SCAPER: variants seen among roughly 807,000 people sequenced by gnomAD.
The protein encoded by SCAPER is S phase cyclin A-associated protein in the endoplasmic reticulum.
A neutral mutation model predicts 182.2 loss-of-function variants in SCAPER; 98 were observed. That is an observed-to-expected ratio of 0.54 (90% CI 0.46 to 0.64). SCAPER has a LOEUF of 0.64. Among genes scored for constraint, SCAPER ranks in the 30% least tolerant of loss-of-function variants. The pLI, the probability that SCAPER is intolerant of heterozygous loss-of-function variation, is 0.00. For missense variants in SCAPER, 1,432 were observed against 1,690.0 expected, an observed-to-expected ratio of 0.85 and a Z score of 2.68; for synonymous variants, 605 against 564.6, an observed-to-expected ratio of 1.07 and a Z score of -1.01.
At chr15:76,855,227 A>C (rs1182236544) in intron 4 of SCAPER, among the ~76,000 whole-genome samples, 1 of 152,210 alleles carries the variant, frequency 6.6e-6, no homozygotes, top group Non-Finnish European at 1.5e-5. Context: ...AGCCATATGC[A>C]GAAGACTGAA....
intron 16 of SCAPER, among the ~76,000 whole-genome samples, chr15:76,729,853 T>C (rs1259666064): frequency 6.6e-6 from 1 of 152,020 alleles, no homozygotes; most frequent in Non-Finnish European, 1.5e-5. Flanking sequence ...ACATGAAATA[T>C]TTGTCACTAA....
rs2054889860 is a variant in SCAPER at position 76,650,058 on chromosome 15, GA to G, written c.2645+15594del. Among the ~76,000 whole-genome samples, 3 of 152,100 alleles carry G rather than the reference GA, an allele frequency of 2.0e-5. No individual in the cohort carries two copies. In the South Asian group the frequency reaches 6.2e-4, roughly 32 times the overall value. ...GATAACAGTAACACAAAAGGCAGAG[GA>G]AAGGAAGATGGACGCATAAATTGTT... On this transcript the variant is annotated intron_variant, in intron 21 of 31. Transcript: ENST00000563290.
intron 26 of SCAPER, among the ~76,000 whole-genome samples, chr15:76,430,371 C>T (rs1472824213): frequency 6.6e-6 from 1 of 152,220 alleles, no homozygotes; most frequent in Non-Finnish European, 1.5e-5. Context: ...ACAGCTTGCA[C>T]CACGTGCCTG....
At chr15:76,652,560 C>CAT (rs1555519880) in intron 21 of SCAPER, among the ~76,000 whole-genome samples, 54 of 134,752 alleles carry the variant, frequency 4.0e-4, no homozygotes, top group South Asian at 2.6e-4. Context: ...CACACACACA[C>CAT]ATTAGCCGGG....
chr15:76,704,360 C>G (rs1448203398), intron 18 of SCAPER, among the ~76,000 whole-genome samples: 1 of 152,146 alleles, frequency 6.6e-6, no homozygotes, highest in African/African-American at 2.4e-5. Context: ...GCTTTTGTGG[C>G]CATTGCTTTT....
At chr15:76,890,917 C>T (rs2074127538) in intron 1 of SCAPER, among the ~76,000 whole-genome samples, 1 of 152,184 alleles carries the variant, frequency 6.6e-6, no homozygotes, top group Non-Finnish European at 1.5e-5. Flanking sequence ...CAAAAATCCT[C>T]AATAGAATAC....
At chr15:76,642,162 T>C (rs1037625526) in intron 21 of SCAPER, among the ~76,000 whole-genome samples, 1 of 152,242 alleles carries the variant, frequency 6.6e-6, no homozygotes, top group Non-Finnish European at 1.5e-5. Flanking sequence ...ATACAATCTA[T>C]ATTCAGATGT....
chr15:76,852,108 A>G (rs1431994038), intron 4 of SCAPER, among the ~76,000 whole-genome samples: 2 of 152,212 alleles, frequency 1.3e-5, no homozygotes, highest in Non-Finnish European at 2.9e-5. Context: ...GGCATTACAT[A>G]ATGATAAAAG....
chr15:76,484,612 GGA>G (rs1206836615), intron 24 of SCAPER, among the ~76,000 whole-genome samples: 5 of 151,950 alleles, frequency 3.3e-5, no homozygotes, highest in African/African-American at 1.2e-4. Flanking sequence ...AAATTGAGGA[GGA>G]GAGACTCCTC....
intron 4 of SCAPER, among the ~76,000 whole-genome samples, chr15:76,850,157 G>C (rs1462053586): frequency 6.6e-6 from 1 of 152,166 alleles, no homozygotes; most frequent in East Asian, 1.9e-4. Flanking sequence ...TCAAACAAAA[G>C]AAGTCAGCAA....
chr15:76,689,389 TCAGAAAA>T (rs1173019703), intron 20 of SCAPER, among the ~76,000 whole-genome samples: 3 of 151,826 alleles, frequency 2.0e-5, no homozygotes, highest in Admixed American at 2.0e-4. Flanking sequence ...AATACTGAAA[TCAGAAAA>T]CAGAAAACAG....
intron 20 of SCAPER, among the ~76,000 whole-genome samples, chr15:76,694,290 T>C (rs1054984309): frequency 2.0e-5 from 3 of 152,152 alleles, no homozygotes; most frequent in Non-Finnish European, 2.9e-5. Flanking sequence ...CAGTTTTCAG[T>C]GAAAAGACTT....
At chr15:76,366,086 T>TACAAAC (rs899210033) in intron 29 of SCAPER, among the ~76,000 whole-genome samples, 4 of 149,432 alleles carry the variant, frequency 2.7e-5, no homozygotes, top group African/African-American at 7.5e-5. Flanking sequence ...CTTACACACT[T>TACAAAC]ACACACACAC....
chr15:76,369,891 A>G (rs943787880), intron 29 of SCAPER, among the ~76,000 whole-genome samples: 5 of 152,224 alleles, frequency 3.3e-5, no homozygotes, highest in Admixed American at 2.6e-4. Flanking sequence ...CCTTTAGTGC[A>G]TGTAAATCAA....
chr15:76,444,770 C>A (rs563070330), intron 25 of SCAPER, among the ~76,000 whole-genome samples: 12 of 152,296 alleles, frequency 7.9e-5, no homozygotes, highest in African/African-American at 2.9e-4. Flanking sequence ...TGTTATGGCT[C>A]CATCAGTCCT....
At chr15:76,527,157 C>T (rs1004804898) in intron 23 of SCAPER, among the ~76,000 whole-genome samples, 47 of 152,112 alleles carry the variant, frequency 3.1e-4, no homozygotes, top group Non-Finnish European at 2.6e-4. Flanking sequence ...ATTACAGGCG[C>T]GAGCCATCAC....
chr15:76,547,497 T>C (rs567559550), intron 23 of SCAPER, among the ~76,000 whole-genome samples: 4 of 152,300 alleles, frequency 2.6e-5, no homozygotes, highest in Admixed American at 6.5e-5. Context: ...AGAATTTTTT[T>C]AGTTTAATAT....
At chr15:76,506,954 G>A (rs1209530836) in intron 23 of SCAPER, among the ~76,000 whole-genome samples, 1 of 152,086 alleles carries the variant, frequency 6.6e-6, no homozygotes, top group Non-Finnish European at 1.5e-5. Flanking sequence ...CTTTGGCATG[G>A]GGAAGAGAAG....
At chr15:76,404,804 A>G in intron 26 of SCAPER, 125 bp from the exon 27 acceptor site, 1 of 780,102 alleles carries the variant, frequency 1.3e-6, no homozygotes, top group Non-Finnish European at 1.8e-6. Context: ...CACAAGTTTG[A>G]GTAAAGCATC....
Sources: gnomAD v4.1 joint callset for allele counts (sites outside exome capture counted in the v4.1 genomes callset) on GRCh38, gnomAD v4.1.1 for gene constraint, MANE v1.5 for transcripts, NCBI Gene and HGNC (gene_info 2026-07-23, HGNC 2026-07-21) for gene names.